Variants in EEIG1 observed in about 807,000 individuals in gnomAD.
The protein encoded by EEIG1 is estrogen-induced osteoclastogenesis regulator 1.
the EEIG1 span, among the ~76,000 whole-genome samples, chr9:127,949,965 A>G: frequency 1.3e-5 from 2 of 152,208 alleles, no homozygotes; most frequent in African/African-American, 4.8e-5. Flanking sequence ...CACTTGGGGA[A>G]GAGTTAGGAG....
At chr9:127,965,134 A>C in the EEIG1 span, among the ~76,000 whole-genome samples, 1 of 147,752 alleles carries the variant, frequency 6.8e-6, no homozygotes, top group Admixed American at 6.8e-5. Context: ...AAAAAAAAAA[A>C]AAAAAAAAAA....
chr9:127,946,605 C>T, the EEIG1 span, among the ~76,000 whole-genome samples: 11 of 152,234 alleles, frequency 7.2e-5, no homozygotes, highest in African/African-American at 2.7e-4. Flanking sequence ...CTACTTCACA[C>T]GAAGGCACCA....
chr9:127,955,894 T>C, the EEIG1 span, among the ~76,000 whole-genome samples: 1 of 152,208 alleles, frequency 6.6e-6, no homozygotes, highest in African/African-American at 2.4e-5. Flanking sequence ...GCACACTCAC[T>C]GGGGCACACC....
At chr9:127,959,902 C>T in the EEIG1 span, among the ~76,000 whole-genome samples, 1 of 152,094 alleles carries the variant, frequency 6.6e-6, no homozygotes, top group Non-Finnish European at 1.5e-5. Context: ...TTTGGGATTT[C>T]TTTCTGGGGT....
the EEIG1 span, among the ~76,000 whole-genome samples, chr9:127,951,660 A>C: frequency 6.6e-6 from 1 of 151,676 alleles, no homozygotes; most frequent in African/African-American, 2.4e-5. Flanking sequence ...CTAAAAATAC[A>C]AAAAAAATTA....
chr9:127,964,061 G>A, the EEIG1 span, among the ~76,000 whole-genome samples: 35 of 152,284 alleles, frequency 2.3e-4, no homozygotes, highest in African/African-American at 7.9e-4. Context: ...CCCAGAAGGA[G>A]GGAGGTGGCT....
the EEIG1 span, chr9:127,942,807 C>G: frequency 3.6e-6 from 1 of 279,356 alleles, no homozygotes; most frequent in South Asian, 3.8e-5. Context: ...GTAGAGAGGC[C>G]CCCTCAGCCA....
chr9:127,961,729 A>C, the EEIG1 span, among the ~76,000 whole-genome samples: 1 of 152,244 alleles, frequency 6.6e-6, no homozygotes, highest in Non-Finnish European at 1.5e-5. Context: ...GAAGGTCTTC[A>C]TGGGAAGGTG....
chr9:127,961,827 G>A, the EEIG1 span, among the ~76,000 whole-genome samples: 16 of 148,764 alleles, frequency 1.1e-4, no homozygotes, highest in African/African-American at 2.2e-4. Flanking sequence ...CAAAGGCCCC[G>A]GGGTGGGAAT....
the EEIG1 span, among the ~76,000 whole-genome samples, chr9:127,979,784 G>C: frequency 6.6e-6 from 1 of 152,226 alleles, no homozygotes; most frequent in African/African-American, 2.4e-5. Flanking sequence ...AAGGCTGAAA[G>C]ACTAGACCCC....
At chr9:127,960,551 G>A in the EEIG1 span, among the ~76,000 whole-genome samples, 2 of 152,180 alleles carry the variant, frequency 1.3e-5, no homozygotes, top group Admixed American at 6.5e-5. Flanking sequence ...GGGAAGGCTG[G>A]GGAGTGGCCA....
the EEIG1 span, among the ~76,000 whole-genome samples, chr9:127,946,885 T>C: frequency 6.6e-6 from 1 of 152,102 alleles, no homozygotes; most frequent in African/African-American, 2.4e-5. Context: ...GTGGGACAAA[T>C]CAGGGTTGTC....
chr9:127,945,168 G>C, the EEIG1 span, among the ~76,000 whole-genome samples: 4 of 152,224 alleles, frequency 2.6e-5, no homozygotes, highest in African/African-American at 7.2e-5. This position sits in a 1 kb window ranked among gnomAD's most constrained non-coding sequence, Gnocchi z 6.5. Flanking sequence ...CCACAAAACC[G>C]CAAGAGCAGC....
chr9:127,958,175 G>A, the EEIG1 span, among the ~76,000 whole-genome samples: 1 of 152,152 alleles, frequency 6.6e-6, no homozygotes, highest in Non-Finnish European at 1.5e-5. Flanking sequence ...GTGGTGCACA[G>A]GGCTATCTCA....
the EEIG1 span, among the ~76,000 whole-genome samples, chr9:127,979,650 T>C: frequency 6.6e-6 from 1 of 152,210 alleles, no homozygotes; most frequent in Non-Finnish European, 1.5e-5. Flanking sequence ...AGTGGCCAGT[T>C]CGGGTGCAAG....
At chr9:127,955,703 G>C in the EEIG1 span, among the ~76,000 whole-genome samples, 1 of 152,218 alleles carries the variant, frequency 6.6e-6, no homozygotes, top group East Asian at 1.9e-4. Flanking sequence ...TCCAAAGAGA[G>C]GAAACAGCAT....
At chr9:127,962,486 C>T in the EEIG1 span, among the ~76,000 whole-genome samples, 56 of 152,136 alleles carry the variant, frequency 3.7e-4, no homozygotes, top group African/African-American at 1.3e-3. Context: ...AACGACCCCA[C>T]CCCAGCACTA....
the EEIG1 span, chr9:127,948,314 C>G: frequency 6.2e-7 from 1 of 1,612,794 alleles, no homozygotes; most frequent in African/African-American, 1.3e-5. Flanking sequence ...TCCTCCACCC[C>G]TAGTGCCCGG....
At chr9:127,943,312 G>T in the EEIG1 span, 2 of 1,461,932 alleles carry the variant, frequency 1.4e-6, no homozygotes, top group Non-Finnish European at 1.9e-6. Flanking sequence ...CCAGGCCTCT[G>T]GAGGTGTTTC....
Sources: allele counts gnomAD v4.1 joint callset (sites outside exome capture counted in the v4.1 genomes callset), GRCh38; gene constraint gnomAD v4.1.1; non-coding constraint Gnocchi (gnomAD v3.1); transcripts MANE v1.5; gene names NCBI Gene and HGNC (gene_info 2026-07-23, HGNC 2026-07-21).